The following ZBTB7C variants were observed in gnomAD, a reference collection of about 807,000 sequenced individuals.
The protein encoded by ZBTB7C is zinc finger and BTB domain-containing protein 7C.
In ZBTB7C, 8 loss-of-function variants were observed where a neutral mutation model predicts 25.7. That is an observed-to-expected ratio of 0.31 (90% CI 0.18 to 0.56). The LOEUF is 0.56. Among genes scored for constraint, ZBTB7C ranks in the 20% least tolerant of loss-of-function variants. The pLI, the probability that ZBTB7C is intolerant of heterozygous loss-of-function variation, is 0.91. For synonymous variants in ZBTB7C, 394 were observed against 369.0 expected (o/e 1.07, Z -0.78); for missense variants, 824 against 855.2 (o/e 0.96, Z 0.46).
chr18:48,382,760 C>A (rs2047661421), intron 1 of ZBTB7C, among the ~76,000 whole-genome samples: 1 of 152,158 alleles, frequency 6.6e-6, no homozygotes, highest in South Asian at 2.1e-4. Flanking sequence ...CACTTAAATT[C>A]TTTGCTTATA....
chr18:48,137,191 C>G, intron 3 of ZBTB7C: 1 of 985,544 alleles, frequency 1.0e-6, no homozygotes, highest in Non-Finnish European at 1.2e-6. Flanking sequence ...AGCACTCCCT[C>G]CCCACCCTCC....
intron 2 of ZBTB7C, among the ~76,000 whole-genome samples, chr18:48,246,132 C>T (rs900062297): frequency 3.3e-5 from 5 of 152,134 alleles, no homozygotes; most frequent in Non-Finnish European, 7.4e-5. Flanking sequence ...GCTAAACAGT[C>T]ATCTTCCATA....
intron 3 of ZBTB7C, among the ~76,000 whole-genome samples, chr18:48,161,691 G>T (rs2041043576): frequency 6.6e-6 from 1 of 151,154 alleles, no homozygotes; most frequent in African/African-American, 2.4e-5. Context: ...TCACTCGGCT[G>T]CCCGGCCCGG....
rs187457095 is a variant in ZBTB7C, at chr18:48,143,515, C to G, written c.-17+42419G>C. Among the ~76,000 whole-genome samples the G allele has an allele frequency of 5.9e-5, 9 of 152,294 alleles. No homozygotes were observed. In the East Asian group the frequency reaches 1.5e-3, roughly 26 times the overall value. On this transcript the variant is annotated intron_variant, in intron 3 of 4. Transcript: ENST00000590800. The stretch of plus-strand genomic sequence containing the variant: ...GGATCCCTGAGGGTCTAGGCAGCCT[C>G]AAGAGCTGAGGTCTGGCTACATTAG...
At chr18:48,208,776 A>C (rs1025511320) in intron 2 of ZBTB7C, among the ~76,000 whole-genome samples, 1 of 152,142 alleles carries the variant, frequency 6.6e-6, no homozygotes, top group Non-Finnish European at 1.5e-5. Context: ...GAGGTGTGCC[A>C]CTTCCTTATT....
intron 2 of ZBTB7C, among the ~76,000 whole-genome samples, chr18:48,195,526 T>C (rs1040635883): frequency 1.4e-4 from 22 of 152,226 alleles, no homozygotes; most frequent in African/African-American, 5.3e-4. Flanking sequence ...TCCCCAGCCA[T>C]GTGGAACTGT....
chr18:48,192,369 T>C (rs2042217631), intron 2 of ZBTB7C, among the ~76,000 whole-genome samples: 2 of 152,198 alleles, frequency 1.3e-5, no homozygotes, highest in African/African-American at 4.8e-5. Context: ...TTCTGCATGA[T>C]ACTGTAAAGG....
intron 2 of ZBTB7C, among the ~76,000 whole-genome samples, chr18:48,262,731 A>C (rs376776430): frequency 6.6e-5 from 10 of 152,270 alleles, no homozygotes; most frequent in African/African-American, 2.4e-4. Flanking sequence ...AGAAGACTGC[A>C]TGTCCGTGTC....
intron 2 of ZBTB7C, among the ~76,000 whole-genome samples, chr18:48,329,844 A>G (rs1255362735): frequency 6.6e-6 from 1 of 152,228 alleles, no homozygotes; most frequent in East Asian, 1.9e-4. Flanking sequence ...GACAAAAACT[A>G]AAAGTTGTTG....
chr18:48,162,293 G>A (rs1168483355), intron 3 of ZBTB7C: 1 of 448,492 alleles, frequency 2.2e-6, no homozygotes, highest in Non-Finnish European at 4.5e-6. Context: ...CAGCAACAGT[G>A]GAGGCAGGGA....
intron 2 of ZBTB7C, among the ~76,000 whole-genome samples, chr18:48,276,774 T>C (rs1280061740): frequency 1.0e-5 from 1 of 98,568 alleles, no homozygotes; most frequent in Non-Finnish European, 2.0e-5. Flanking sequence ...TGTGCATGTG[T>C]CTTTATAGCA....
intron 2 of ZBTB7C, among the ~76,000 whole-genome samples, chr18:48,253,486 A>G (rs944658698): frequency 6.6e-6 from 1 of 152,190 alleles, no homozygotes; most frequent in Non-Finnish European, 1.5e-5. Context: ...GAGCCCTACA[A>G]TTGCCCAAAC....
chr18:48,257,127 AG>A (rs993570839), intron 2 of ZBTB7C, among the ~76,000 whole-genome samples: 24 of 152,070 alleles, frequency 1.6e-4, no homozygotes, highest in African/African-American at 5.8e-4. Flanking sequence ...ATATAAAAAA[AG>A]ATGAAAGTAA....
At chr18:48,209,196 G>GGC (rs1482503432) in intron 2 of ZBTB7C, among the ~76,000 whole-genome samples, 1 of 152,156 alleles carries the variant, frequency 6.6e-6, no homozygotes, top group Non-Finnish European at 1.5e-5. Context: ...TCCAAGTTGG[G>GGC]ACCTGTTATT....
At chr18:48,134,720 C>T (rs567834062) in intron 3 of ZBTB7C, among the ~76,000 whole-genome samples, 5 of 152,342 alleles carry the variant, frequency 3.3e-5, no homozygotes, top group African/African-American at 1.2e-4. Context: ...GTTCTCAGCC[C>T]GGCCAGCACT....
At chr18:48,080,672 T>C (rs559110572) in intron 3 of ZBTB7C, among the ~76,000 whole-genome samples, 1 of 152,310 alleles carries the variant, frequency 6.6e-6, no homozygotes, top group South Asian at 2.1e-4. Flanking sequence ...TGTGGCACCA[T>C]GTGACATGAA....
chr18:48,361,200 C>G (rs1360269781), intron 1 of ZBTB7C, among the ~76,000 whole-genome samples: 2 of 152,150 alleles, frequency 1.3e-5, no homozygotes, highest in Non-Finnish European at 2.9e-5. Flanking sequence ...TCACAGGTGA[C>G]AGAATACAGA....
chr18:48,136,437 C>A (rs1299571278), intron 3 of ZBTB7C, among the ~76,000 whole-genome samples: 1 of 152,206 alleles, frequency 6.6e-6, no homozygotes, highest in Non-Finnish European at 1.5e-5. Flanking sequence ...AGCTGGACTT[C>A]TGCCAATCGC....
At chr18:48,406,937 A>G (rs1435794904) in intron 1 of ZBTB7C, among the ~76,000 whole-genome samples, 1 of 152,234 alleles carries the variant, frequency 6.6e-6, no homozygotes, top group African/African-American at 2.4e-5. Context: ...CTTCCTGCTC[A>G]TACACACTGG....
Sources: allele counts gnomAD v4.1 joint callset (sites outside exome capture counted in the v4.1 genomes callset), GRCh38; gene constraint gnomAD v4.1.1; transcripts MANE v1.5; gene names NCBI Gene and HGNC (gene_info 2026-07-23, HGNC 2026-07-21).